Variants in CCBE1 observed in about 807,000 individuals in gnomAD.
CCBE1 encodes collagen and calcium binding EGF domains 1.
In CCBE1, 37 loss-of-function variants were observed where a neutral mutation model predicts 50.0. The ratio of observed to expected loss-of-function variants is 0.74; its 90% confidence interval spans 0.57 to 0.97. The LOEUF (loss-of-function observed/expected upper bound fraction) is 0.97, where lower values mean the gene tolerates loss of function less well. Ranked by LOEUF, CCBE1 falls within the 50% of genes least tolerant of loss-of-function variation. The probability of loss-of-function intolerance (pLI) is 0.00; values close to 1 mark genes in which losing one functional copy is unlikely to be tolerated. For missense variants in CCBE1, 538 were observed against 523.8 expected (o/e 1.03, Z -0.26); for synonymous variants, 234 against 203.7 (o/e 1.15, Z -1.27).
chr18:59,620,242 G>A (rs372921117), intron 2 of CCBE1, among the ~76,000 whole-genome samples: 5 of 152,110 alleles, frequency 3.3e-5, no homozygotes, highest in African/African-American at 7.2e-5. Context: ...CTTCATTCTC[G>A]CTGTCTTCCA....
chr18:59,632,442 TTTTG>T (rs1457719167), intron 2 of CCBE1, among the ~76,000 whole-genome samples: 1 of 151,896 alleles, frequency 6.6e-6, no homozygotes, highest in Non-Finnish European at 1.5e-5. Context: ...CCTGGCTAAT[TTTTG>T]TATTTTTAGT....
chr18:59,465,775 T>A (rs1911713015), intron 5 of CCBE1: 1 of 152,238 alleles, frequency 6.6e-6, no homozygotes, highest in South Asian at 2.1e-4. Flanking sequence ...AGGAGATGTT[T>A]CATATTTATA....
chr18:59,435,690 C>T lies in CCBE1; in HGVS notation c.*218G>A. 1 of 605,862 alleles carries T rather than the reference C, an allele frequency of 1.7e-6. No homozygotes were observed. Among genetic ancestry groups the T allele is most frequent in the South Asian group, 2.0e-5 (1 of 50,860 alleles). The allele number at this position is 605,862 out of a possible 1,614,324, so 37.5% of individuals were successfully genotyped here. A position where few individuals can be genotyped will look rare whatever the true frequency, so the allele number is the denominator to read the frequency against. On this transcript the variant is annotated 3_prime_UTR_variant, in exon 11 of 11. Coordinates refer to ENST00000439986, the MANE Select transcript of CCBE1 (RefSeq NM_133459.4). ...ACCCCAATGGACTCTTAGTGAGAAG[C>T]AGGTAAATCAATCATTCACTCCCTC...
At chr18:59,575,162 CCCT>C in intron 2 of CCBE1, among the ~76,000 whole-genome samples, 1 of 152,296 alleles carries the variant, frequency 6.6e-6, no homozygotes, top group East Asian at 1.9e-4. Flanking sequence ...AAGGAACCAA[CCCT>C]GCTGATGCCT....
At chr18:59,548,485 A>G (rs1196461320) in intron 2 of CCBE1, among the ~76,000 whole-genome samples, 1 of 152,208 alleles carries the variant, frequency 6.6e-6, no homozygotes, top group African/African-American at 2.4e-5. Context: ...ACAAGAACAG[A>G]GCAACTTAAA....
At chr18:59,500,114 T>C (rs769515805) in intron 2 of CCBE1, among the ~76,000 whole-genome samples, 1 of 152,188 alleles carries the variant, frequency 6.6e-6, no homozygotes, top group Non-Finnish European at 1.5e-5. Context: ...AAGACTATCC[T>C]GAGGACCTCT....
At chr18:59,515,033 A>G (rs1914308065) in intron 2 of CCBE1, among the ~76,000 whole-genome samples, 1 of 152,234 alleles carries the variant, frequency 6.6e-6, no homozygotes, top group Non-Finnish European at 1.5e-5. Flanking sequence ...ATGCATGTTT[A>G]GCTATCTCCA....
chr18:59,672,389 T>C (rs896289579), intron 2 of CCBE1, among the ~76,000 whole-genome samples: 2 of 152,236 alleles, frequency 1.3e-5, no homozygotes, highest in African/African-American at 2.4e-5. Context: ...GAAAGCAGCC[T>C]GTGCTAGTTC....
intron 2 of CCBE1, among the ~76,000 whole-genome samples, chr18:59,565,114 C>T (rs76160697): frequency 0.046 from 6,985 of 152,198 alleles, 391 homozygotes; most frequent in African/African-American, 0.14. Flanking sequence ...GCAAGGGCCA[C>T]CCTTCAGGGG....
chr18:59,657,882 C>T (rs1370582335), intron 2 of CCBE1, among the ~76,000 whole-genome samples: 3 of 150,436 alleles, frequency 2.0e-5, no homozygotes, highest in African/African-American at 7.5e-5. Context: ...CAACAACAAA[C>T]AACAACAAAC....
chr18:59,494,819 C>T (rs997130018), intron 2 of CCBE1, among the ~76,000 whole-genome samples: 3 of 152,104 alleles, frequency 2.0e-5, no homozygotes, highest in Admixed American at 1.3e-4. Flanking sequence ...GCTCTAGCGA[C>T]GACCTGCAGC....
At chr18:59,574,052 C>A (rs546463751) in intron 2 of CCBE1, among the ~76,000 whole-genome samples, 1 of 152,120 alleles carries the variant, frequency 6.6e-6, no homozygotes, top group Non-Finnish European at 1.5e-5. Context: ...ATCTGTGCTA[C>A]GAGGCATAAA....
chr18:59,578,887 G>A (rs2053041627), intron 2 of CCBE1, among the ~76,000 whole-genome samples: 1 of 152,124 alleles, frequency 6.6e-6, no homozygotes. Flanking sequence ...ACCATGGCAC[G>A]AGTTTACCTA....
chr18:59,480,718 A>C (rs772630719), intron 2 of CCBE1, among the ~76,000 whole-genome samples: 9 of 152,026 alleles, frequency 5.9e-5, no homozygotes, highest in Non-Finnish European at 8.8e-5. Context: ...TAAGACCAAG[A>C]CTGGAACCCA....
At chr18:59,521,738 A>G (rs1914607897) in intron 2 of CCBE1, among the ~76,000 whole-genome samples, 1 of 142,390 alleles carries the variant, frequency 7.0e-6, no homozygotes, top group Non-Finnish European at 1.5e-5. Context: ...GCTTTTTAAC[A>G]TGAAAAAAAT....
At chr18:59,446,436 G>A (rs1305171267) in intron 7 of CCBE1, among the ~76,000 whole-genome samples, 1 of 152,214 alleles carries the variant, frequency 6.6e-6, no homozygotes, top group Non-Finnish European at 1.5e-5. Context: ...GCCAGAGGGT[G>A]CCTGTGTGAA....
chr18:59,489,571 A>T (rs1912994302), intron 2 of CCBE1, among the ~76,000 whole-genome samples: 1 of 151,802 alleles, frequency 6.6e-6, no homozygotes, highest in Non-Finnish European at 1.5e-5. Flanking sequence ...GTGCCACCAT[A>T]CCCACATAAT....
intron 2 of CCBE1, among the ~76,000 whole-genome samples, chr18:59,507,145 T>A (rs961082605): frequency 1.3e-5 from 2 of 152,210 alleles, no homozygotes; most frequent in African/African-American, 2.4e-5. Flanking sequence ...TCAAAACATC[T>A]GAAAATCAAC....
chr18:59,622,639 A>G (rs967457875), intron 2 of CCBE1, among the ~76,000 whole-genome samples: 1 of 151,794 alleles, frequency 6.6e-6, no homozygotes, highest in Non-Finnish European at 1.5e-5. Context: ...CATCTCTACT[A>G]AAAATACAAA....
Sources: allele counts gnomAD v4.1 joint callset (sites outside exome capture counted in the v4.1 genomes callset), GRCh38; gene constraint gnomAD v4.1.1; transcripts MANE v1.5; gene names NCBI Gene and HGNC (gene_info 2026-07-23, HGNC 2026-07-21).